MDGA2: variants seen among roughly 807,000 people sequenced by gnomAD.
The protein encoded by MDGA2 is MAM domain containing glycosylphosphatidylinositol anchor 2.
MDGA2 carries 40 observed loss-of-function variants against 117.8 expected under a neutral mutation model. That is an observed-to-expected ratio of 0.34 (90% CI 0.26 to 0.44). The LOEUF (loss-of-function observed/expected upper bound fraction) is 0.44. MDGA2 is among the 20% of genes least tolerant of loss of function. MDGA2 has a pLI of 1.00. For missense variants in MDGA2, 1,123 were observed against 1,250.6 expected, an observed-to-expected ratio of 0.90 and a Z score of 1.54; for synonymous variants, 452 against 439.0, an observed-to-expected ratio of 1.03 and a Z score of -0.37.
intron 1 of MDGA2, among the ~76,000 whole-genome samples, chr14:47,641,629 TA>T (rs1239054249): frequency 6.6e-6 from 1 of 152,080 alleles, no homozygotes; most frequent in Non-Finnish European, 1.5e-5. Context: ...GAAAGATTGA[TA>T]AGTAGTGGCT....
chr14:47,170,965 T>C (rs930963953), intron 3 of MDGA2, among the ~76,000 whole-genome samples: 2 of 152,184 alleles, frequency 1.3e-5, no homozygotes, highest in African/African-American at 2.4e-5. Context: ...TCTTCTCATA[T>C]ACTTAAATTG....
intron 8 of MDGA2, among the ~76,000 whole-genome samples, chr14:47,020,342 C>G (rs1888242813): frequency 6.6e-6 from 1 of 152,126 alleles, no homozygotes; most frequent in Non-Finnish European, 1.5e-5. Flanking sequence ...TGTCAAAACT[C>G]TATAATTATG....
At chr14:47,212,419 T>C (rs530280510) in intron 3 of MDGA2, among the ~76,000 whole-genome samples, 1 of 152,296 alleles carries the variant, frequency 6.6e-6, no homozygotes, top group Non-Finnish European at 1.5e-5. Context: ...CTGTACTTTA[T>C]TAATTTTTTA....
At chr14:47,476,211 GAAGAA>G (rs1429236205) in intron 1 of MDGA2, among the ~76,000 whole-genome samples, 2 of 152,094 alleles carry the variant, frequency 1.3e-5, no homozygotes, top group African/African-American at 4.8e-5. Context: ...TGTTGGACAT[GAAGAA>G]AAGGGCAGTC....
intron 1 of MDGA2, among the ~76,000 whole-genome samples, chr14:47,666,546 G>T (rs568903967): frequency 8.5e-5 from 13 of 152,284 alleles, no homozygotes; most frequent in African/African-American, 2.9e-4. Flanking sequence ...CTAGCTCAGG[G>T]ATTTTAAACG....
At chr14:47,170,828 T>G (rs1306069368) in intron 3 of MDGA2, among the ~76,000 whole-genome samples, 2 of 152,180 alleles carry the variant, frequency 1.3e-5, no homozygotes, top group African/African-American at 2.4e-5. Context: ...AGCTGTATTT[T>G]CATTTTCCTA....
At chr14:46,939,463 C>G (rs1204741154) in intron 9 of MDGA2, among the ~76,000 whole-genome samples, 1 of 152,064 alleles carries the variant, frequency 6.6e-6, no homozygotes, top group African/African-American at 2.4e-5. Context: ...TATTCATGAC[C>G]TTGTAAACCT....
chr14:47,490,227 C>T (rs1894141594), intron 1 of MDGA2, among the ~76,000 whole-genome samples: 1 of 152,006 alleles, frequency 6.6e-6, no homozygotes, highest in African/African-American at 2.4e-5. Context: ...GTTTTCTGTG[C>T]TTGTTACTGT....
intron 3 of MDGA2, among the ~76,000 whole-genome samples, chr14:47,179,779 A>G (rs1372949442): frequency 2.0e-5 from 3 of 152,150 alleles, no homozygotes; most frequent in Admixed American, 6.5e-5. Context: ...TCTTCTCACC[A>G]AAATATTCTA....
intron 8 of MDGA2, among the ~76,000 whole-genome samples, chr14:47,027,629 A>ATC (rs1888522848): frequency 6.8e-6 from 1 of 146,978 alleles, no homozygotes; most frequent in Admixed American, 6.8e-5. Flanking sequence ...ATTATATATT[A>ATC]TATATATATA....
chr14:47,669,299 G>A (rs956893507), intron 1 of MDGA2, among the ~76,000 whole-genome samples: 34 of 152,130 alleles, frequency 2.2e-4, no homozygotes, highest in Middle Eastern at 3.2e-3. Context: ...CATGAAAAAT[G>A]CCTTCCTGGA....
rs1358034647 is a variant in MDGA2, at chr14:47,221,704, G to C, written c.421-3509C>G. 1.7e-5 allele frequency among the ~76,000 whole-genome samples: 2 copies of C among 120,840 alleles called. 1 individual carries two copies. The highest frequency in any genetic ancestry group is 6.1e-5 in the African/African-American group (2 of 32,692). The allele number at this position is 120,840 out of a possible 152,430, so 79.3% of individuals were successfully genotyped here. On this transcript the variant is annotated intron_variant, in intron 2 of 16. Coordinates refer to ENST00000399232, the MANE Select transcript of MDGA2 (RefSeq NM_001113498.3). The stretch of plus-strand genomic sequence containing the variant: ...CTCTATCTCAAAAAAAAAAAAAAAA[G>C]AGATTACGGGAAGTGAGTGGAAAAA...
intron 2 of MDGA2, among the ~76,000 whole-genome samples, chr14:47,252,491 T>G (rs1464951881): frequency 1.3e-5 from 2 of 152,162 alleles, no homozygotes; most frequent in Non-Finnish European, 2.9e-5. Flanking sequence ...CATAATCTAG[T>G]AAGCTCCTGA....
At chr14:47,377,051 T>C (rs1052546981) in intron 1 of MDGA2, among the ~76,000 whole-genome samples, 1 of 152,090 alleles carries the variant, frequency 6.6e-6, no homozygotes, top group Non-Finnish European at 1.5e-5. Flanking sequence ...TTGGATGTAA[T>C]AAAAATGAAA....
At chr14:47,405,308 T>C (rs1594840938) in intron 1 of MDGA2, among the ~76,000 whole-genome samples, 1 of 152,310 alleles carries the variant, frequency 6.6e-6, no homozygotes, top group South Asian at 2.1e-4. Context: ...CTCTTGGCTC[T>C]CTCCTGATGA....
intron 2 of MDGA2, among the ~76,000 whole-genome samples, chr14:47,255,571 CCCT>C: frequency 6.6e-6 from 1 of 152,296 alleles, no homozygotes; most frequent in African/African-American, 2.4e-5. Context: ...CCTAACTTCT[CCCT>C]CCTCTTTTTA....
In MDGA2 at chr14:47,503,962, G is replaced by A. The variant is rs189718272; in HGVS notation, c.280+170555C>T. 1.9e-3 allele frequency among the ~76,000 whole-genome samples: 288 copies of A among 152,130 alleles called. 3 individuals carry two copies. The highest frequency in any genetic ancestry group is 6.7e-3 in the African/African-American group (278 of 41,502). Reference sequence around the variant, plus strand: ...TAAGTAAGGGTTCTCATCTTTTATAGAGCCTAGTACCAAAAATAGATGTAC... The same window carrying A: ...TAAGTAAGGGTTCTCATCTTTTATAAAGCCTAGTACCAAAAATAGATGTAC... On this transcript the variant is annotated intron_variant, in intron 1 of 16. Coordinates refer to ENST00000399232, the MANE Select transcript of MDGA2 (RefSeq NM_001113498.3).
At chr14:47,541,363 A>G (rs780714160) in intron 1 of MDGA2, among the ~76,000 whole-genome samples, 3 of 152,232 alleles carry the variant, frequency 2.0e-5, no homozygotes, top group African/African-American at 2.4e-5. Context: ...AAATATGTCC[A>G]GAGGCAGAAA....
At chr14:46,878,395 A>G (rs975621851) in intron 11 of MDGA2, among the ~76,000 whole-genome samples, 2 of 152,046 alleles carry the variant, frequency 1.3e-5, no homozygotes, top group African/African-American at 4.8e-5. Context: ...TCCCAGGATT[A>G]CAATTGGCAG....
Sources: gnomAD v4.1 joint callset for allele counts (sites outside exome capture counted in the v4.1 genomes callset) on GRCh38, gnomAD v4.1.1 for gene constraint, MANE v1.5 for transcripts, NCBI Gene and HGNC (gene_info 2026-07-23, HGNC 2026-07-21) for gene names.